TYW1B: variants seen among roughly 807,000 people sequenced by gnomAD.
TYW1B encodes tRNA-yW synthesizing protein 1 homolog B.
In TYW1B, 73 loss-of-function variants were observed where a neutral mutation model predicts 86.9. The ratio of observed to expected loss-of-function variants is 0.84; its 90% CI spans 0.70 to 1.02. The LOEUF is 1.02. Ranked by LOEUF, TYW1B falls within the 50% of genes least tolerant of loss-of-function variation. The pLI, the probability that TYW1B is intolerant of heterozygous loss-of-function variation, is 0.00. For synonymous variants in TYW1B, 248 were observed against 292.8 expected, an observed-to-expected ratio of 0.85 and a Z score of 1.56; for missense variants, 637 against 827.4, an observed-to-expected ratio of 0.77 and a Z score of 2.82.
chr7:72,807,153 T>C lies in TYW1B; in HGVS notation c.636A>G (p.Lys212=), dbSNP rs1279392938. The change falls in exon 5 of 14, where the codon AAA becomes AAG. Residue 212 remains lysine (K), a synonymous_variant. Transcript: ENST00000620995. ...RKKSCGGHCK[K]GKCESHQHGS... ...CATGTTGGTGAGATTCACATTTGCC[T>C]TTCTTGCAGTGGCCGCCACAGGACT... 1 of 1,614,124 alleles carries C rather than the reference T, an allele frequency of 6.2e-7. No homozygotes were observed. Among genetic ancestry groups the C allele is most frequent in the Non-Finnish European group, 8.5e-7 (1 of 1,180,010 alleles).
intron 11 of TYW1B, among the ~76,000 whole-genome samples, chr7:72,669,366 G>C (rs1554445918): frequency 1.3e-5 from 2 of 151,888 alleles, no homozygotes; most frequent in South Asian, 2.1e-4. Context: ...GGCTGCTCTT[G>C]AATTCCTGAC....
intron 13 of TYW1B, among the ~76,000 whole-genome samples, chr7:72,601,925 G>A (rs1228013290): frequency 6.6e-6 from 1 of 152,128 alleles, no homozygotes; most frequent in Non-Finnish European, 1.5e-5. Flanking sequence ...AGGAAGTGCA[G>A]GGGCATTTTT....
rs535149447 is a variant in TYW1B at position 72,574,694 on chromosome 7, G to T, written c.*804C>A. The T allele has an allele frequency of 1.0e-6, 1 of 985,428 alleles. No homozygotes were observed. Among genetic ancestry groups the T allele is most frequent in the Non-Finnish European group, 1.2e-6 (1 of 829,960 alleles). 61.0% of individuals were successfully genotyped at this position (985,428 alleles called of 1,614,324 possible). A position where few individuals can be genotyped will look rare whatever the true frequency, so the allele number is the denominator to read the frequency against. ...GAGTCAAAGAAGATGGAGACCCGCC[G>T]TCTGGTCGTGATATGAGAGGCCCGG... On this transcript the variant is annotated 3_prime_UTR_variant, in exon 14 of 14. Transcript: ENST00000620995.
intron 6 of TYW1B, among the ~76,000 whole-genome samples, chr7:72,793,156 T>C (rs537992848): frequency 2.4e-4 from 36 of 151,722 alleles, no homozygotes; most frequent in Non-Finnish European, 3.2e-4. Flanking sequence ...CCAGCCAACA[T>C]GGCAAAACCC....
chr7:72,675,883 A>G (rs1813724097), intron 11 of TYW1B, among the ~76,000 whole-genome samples: 1 of 152,226 alleles, frequency 6.6e-6, no homozygotes, highest in Admixed American at 6.5e-5. Context: ...CATAACTATT[A>G]CATAATATTT....
chr7:72,707,652 G>C (rs1554453921), intron 10 of TYW1B, among the ~76,000 whole-genome samples: 1 of 152,154 alleles, frequency 6.6e-6, no homozygotes, highest in African/African-American at 2.4e-5. Context: ...TTTGCCTAAG[G>C]TGTTTGCTTC....
chr7:72,665,455 T>A (rs1464904993), intron 11 of TYW1B, among the ~76,000 whole-genome samples: 1 of 152,218 alleles, frequency 6.6e-6, no homozygotes, highest in African/African-American at 2.4e-5. Flanking sequence ...TCTAATTTGA[T>A]TAACCCACCA....
chr7:72,753,199 T>C (rs1410786919), intron 7 of TYW1B, among the ~76,000 whole-genome samples: 1 of 152,052 alleles, frequency 6.6e-6, no homozygotes, highest in Non-Finnish European at 1.5e-5. Flanking sequence ...ATTAAAAATA[T>C]GATTTTACAA....
intron 11 of TYW1B, among the ~76,000 whole-genome samples, chr7:72,635,298 T>C (rs1212234334): frequency 1.3e-5 from 2 of 152,238 alleles, no homozygotes; most frequent in African/African-American, 4.8e-5. Context: ...TTTCTCATTG[T>C]CTCAATATCA....
At chr7:72,751,189 C>T (rs1787494619) in intron 7 of TYW1B, among the ~76,000 whole-genome samples, 1 of 152,126 alleles carries the variant, frequency 6.6e-6, no homozygotes, top group Non-Finnish European at 1.5e-5. Flanking sequence ...AGGTGTGCGT[C>T]AGCACACCCA....
Position 72,623,864 on chromosome 7 carries a change from C to T in TYW1B, c.1617+5023G>A, listed in dbSNP as rs13246351. Reference sequence around the variant, plus strand: ...TTGACCAGGCTGGAGTACAGTGGCACGATCTCAGCTCACTGCAGCCTCTGC... The same window carrying T: ...TTGACCAGGCTGGAGTACAGTGGCATGATCTCAGCTCACTGCAGCCTCTGC... On this transcript the variant is annotated intron_variant, in intron 12 of 13. Coordinates refer to ENST00000620995, the MANE Select transcript of TYW1B (RefSeq NM_001145440.3). Among the ~76,000 whole-genome samples, 50 of 152,194 alleles carry T rather than the reference C, an allele frequency of 3.3e-4. No homozygotes were observed. The East Asian group carries it at 7.9e-3, about 24-fold the overall frequency.
chr7:72,575,042 A>T lies in TYW1B; in HGVS notation c.*456T>A. The T allele has an allele frequency of 3.0e-6, 3 of 995,066 alleles. No individual in the cohort carries two copies. The highest frequency in any genetic ancestry group is 3.6e-6 in the Non-Finnish European group (3 of 835,366). The allele number at this position is 995,066 out of a possible 1,614,324, so 61.6% of individuals were successfully genotyped here. On this transcript the variant is annotated 3_prime_UTR_variant, in exon 14 of 14. Transcript: ENST00000620995. The stretch of plus-strand genomic sequence containing the variant: ...GACAGAAGAAAGGGATCAAGCTCTT[A>T]TCTTAGAAAGCACAGACACGTTTAG...
At chr7:72,698,906 C>T (rs1814390066) in intron 10 of TYW1B, among the ~76,000 whole-genome samples, 1 of 152,172 alleles carries the variant, frequency 6.6e-6, no homozygotes, top group South Asian at 2.1e-4. Context: ...AACAAGTCCT[C>T]AGGAAGAAAT....
chr7:72,749,737 T>C (rs1787464074), intron 7 of TYW1B, among the ~76,000 whole-genome samples: 3 of 146,594 alleles, frequency 2.0e-5, no homozygotes, highest in Non-Finnish European at 4.5e-5. Context: ...TTTTTTTTTT[T>C]ACTTGGCTCT....
At chr7:72,622,472 G>A (rs1415224461) in intron 12 of TYW1B, among the ~76,000 whole-genome samples, 1 of 152,090 alleles carries the variant, frequency 6.6e-6, no homozygotes, top group Non-Finnish European at 1.5e-5. Flanking sequence ...ACAGAATTTA[G>A]GCTCAAGGAG....
chr7:72,759,672 C>A (rs1554466887), intron 7 of TYW1B, among the ~76,000 whole-genome samples: 1 of 152,136 alleles, frequency 6.6e-6, no homozygotes, highest in Non-Finnish European at 1.5e-5. Flanking sequence ...AATCTGCTGA[C>A]TTTTCTATTG....
chr7:72,654,751 G>A (rs1382048804), intron 11 of TYW1B, among the ~76,000 whole-genome samples: 3 of 152,062 alleles, frequency 2.0e-5, no homozygotes, highest in Non-Finnish European at 4.4e-5. Flanking sequence ...CGTGGTGGTT[G>A]ACACCTGCAA....
rs1329571723 is a variant in TYW1B, at chr7:72,800,786, C to T, written c.846+1614G>A. ...TCATCACTACTTTCACCAGGGTTTT[C>T]ATAACTATTATTCCATGTTTATTTT... On this transcript the variant is annotated intron_variant, in intron 6 of 13. Transcript: ENST00000620995. Among the ~76,000 whole-genome samples, 9 of 149,540 alleles carry T rather than the reference C, an allele frequency of 6.0e-5. No individual in the cohort carries two copies. In the South Asian group the frequency reaches 1.1e-3, roughly 18 times the overall value.
At chr7:72,694,620 C>G in intron 11 of TYW1B, 67 bp downstream of exon 11, 1 of 1,383,698 alleles carries the variant, frequency 7.2e-7, no homozygotes. Flanking sequence ...TTCCATCTTT[C>G]TTTCTTCTTA....
Sources: gnomAD v4.1 joint callset for allele counts (sites outside exome capture counted in the v4.1 genomes callset) on GRCh38, gnomAD v4.1.1 for gene constraint, MANE v1.5 for transcripts, NCBI Gene and HGNC (gene_info 2026-07-23, HGNC 2026-07-21) for gene names.